The following COL19A1 variants were observed in gnomAD, a reference collection of about 807,000 sequenced individuals.
COL19A1 encodes collagen type XIX alpha 1 chain.
A neutral mutation model predicts 190.2 loss-of-function variants in COL19A1; 159 were observed. The observed-to-expected ratio is 0.84, with a 90% CI of 0.73 to 0.95. The LOEUF (loss-of-function observed/expected upper bound fraction) is 0.95. Ranked by LOEUF, COL19A1 falls within the 40% of genes least tolerant of loss-of-function variation. The pLI is 0.00. For missense variants in COL19A1, 1,418 were observed against 1,431.9 expected (o/e 0.99, Z 0.16); for synonymous variants, 509 against 458.9 (o/e 1.11, Z -1.39).
At chr6:70,030,591 A>G (rs145230777) in intron 12 of COL19A1, among the ~76,000 whole-genome samples, 1 of 152,316 alleles carries the variant, frequency 6.6e-6, no homozygotes, top group East Asian at 1.9e-4. Context: ...GCAGACGTTC[A>G]ATAATATTTG....
rs1765816568 is a variant in COL19A1 at position 70,176,556 on chromosome 6, G to GGGAT, written c.2661_2664dup (p.Ser889AspfsTer19). The GGGAT allele has an allele frequency of 6.2e-7, 1 of 1,613,258 alleles. No homozygotes were observed. The highest frequency in any genetic ancestry group is 8.5e-7 in the Non-Finnish European group (1 of 1,179,678). On this transcript the variant is annotated frameshift_variant, in exon 42 of 51. Coordinates refer to ENST00000620364, the MANE Select transcript of COL19A1 (RefSeq NM_001858.6). LOFTEE classifies it high-confidence loss of function. ...CCCAGCAGGTCCCCCAGGAATAGCA[G>GGGAT]GGATGTCGGTGAGTTCAGATTACTT...
intron 8 of COL19A1, 99 bp downstream of exon 8, chr6:69,937,009 A>G: frequency 1.3e-6 from 2 of 1,492,380 alleles, no homozygotes; most frequent in Non-Finnish European, 1.8e-6. Flanking sequence ...CTTGCCATTC[A>G]GTGTTTGTTG....
At chr6:70,096,433 G>A (rs959993884) in intron 15 of COL19A1, among the ~76,000 whole-genome samples, 2 of 152,014 alleles carry the variant, frequency 1.3e-5, no homozygotes, top group African/African-American at 4.8e-5. Context: ...ACCAACACTT[G>A]TTTTCAGATT....
At chr6:69,953,631 T>C (rs1347258882) in intron 9 of COL19A1, among the ~76,000 whole-genome samples, 1 of 152,020 alleles carries the variant, frequency 6.6e-6, no homozygotes, top group Non-Finnish European at 1.5e-5. Context: ...TATTCCCTTC[T>C]AATGCCTTCC....
intron 11 of COL19A1, among the ~76,000 whole-genome samples, chr6:70,009,855 C>T (rs1357379731): frequency 7.2e-6 from 1 of 138,906 alleles, no homozygotes; most frequent in East Asian, 1.9e-4. Context: ...CTTTTTTCAA[C>T]AACCCTTTTA....
chr6:69,891,615 C>G (rs768859051), intron 2 of COL19A1, among the ~76,000 whole-genome samples: 2 of 152,166 alleles, frequency 1.3e-5, no homozygotes, highest in Non-Finnish European at 2.9e-5. Flanking sequence ...CAAGTCACAG[C>G]GACCTTGGCA....
At chr6:70,065,558 C>T (rs543914129) in intron 14 of COL19A1, among the ~76,000 whole-genome samples, 2 of 152,240 alleles carry the variant, frequency 1.3e-5, no homozygotes, top group South Asian at 4.2e-4. Context: ...GCAAGGACTT[C>T]ATGTCTAAAA....
chr6:69,895,571 C>A (rs1043447416), intron 2 of COL19A1, among the ~76,000 whole-genome samples: 2 of 152,130 alleles, frequency 1.3e-5, no homozygotes, highest in Non-Finnish European at 2.9e-5. Context: ...TAGAGCACTT[C>A]CCGCCAGACT....
chr6:70,192,768 C>A (rs938707856), intron 48 of COL19A1, among the ~76,000 whole-genome samples: 2 of 152,134 alleles, frequency 1.3e-5, no homozygotes, highest in Non-Finnish European at 2.9e-5. Context: ...AAACATGGGG[C>A]CCTATGTGAC....
intron 40 of COL19A1, among the ~76,000 whole-genome samples, chr6:70,170,573 G>A (rs1040068606): frequency 2.0e-5 from 3 of 151,938 alleles, no homozygotes; most frequent in Non-Finnish European, 2.9e-5. Context: ...AACAAATGTT[G>A]ATTGATTGAG....
At chr6:70,003,516 G>A (rs1777405736) in intron 11 of COL19A1, among the ~76,000 whole-genome samples, 1 of 152,094 alleles carries the variant, frequency 6.6e-6, no homozygotes, top group Non-Finnish European at 1.5e-5. Context: ...AGTCTCTTTT[G>A]TATGTCTCTA....
At chr6:69,894,402 T>C (rs1056835442) in intron 2 of COL19A1, among the ~76,000 whole-genome samples, 12 of 152,184 alleles carry the variant, frequency 7.9e-5, no homozygotes, top group African/African-American at 2.7e-4. Context: ...TTTGTAACCT[T>C]AAAACACTTA....
chr6:70,156,377 A>G lies in COL19A1; in HGVS notation c.2238+8A>G. On this transcript the variant is annotated splice_region_variant and intron_variant, in intron 33 of 50. Coordinates refer to ENST00000620364, the MANE Select transcript of COL19A1 (RefSeq NM_001858.6). ...GGAAGAGAGGGACCAAAGGTAAGAA[A>G]TTCTCTCCTCCACTTTCCCCTGTGG... The G allele has an allele frequency of 6.2e-7, 1 of 1,613,074 alleles. No homozygotes were observed.
intron 15 of COL19A1, among the ~76,000 whole-genome samples, chr6:70,096,112 C>T (rs1783252465): frequency 7.0e-6 from 1 of 143,800 alleles, no homozygotes. Flanking sequence ...GAGAGGGTCT[C>T]ACTCTGTCAC....
At chr6:70,038,532 G>T (rs1779473266) in intron 14 of COL19A1, among the ~76,000 whole-genome samples, 1 of 152,176 alleles carries the variant, frequency 6.6e-6, no homozygotes, top group Non-Finnish European at 1.5e-5. Context: ...AGGCATACTA[G>T]TAAAATGAAG....
intron 11 of COL19A1, among the ~76,000 whole-genome samples, chr6:70,001,354 T>C (rs552937779): frequency 5.3e-5 from 8 of 152,316 alleles, no homozygotes; most frequent in African/African-American, 1.9e-4. Context: ...CTATATGGGG[T>C]ATTCTTTGAT....
intron 15 of COL19A1, among the ~76,000 whole-genome samples, chr6:70,093,346 T>C (rs560514558): frequency 3.9e-5 from 6 of 152,248 alleles, no homozygotes; most frequent in African/African-American, 1.4e-4. Context: ...GGAAATTGTT[T>C]AGCCATACCC....
At chr6:70,112,926 T>G (rs1418715978) in intron 16 of COL19A1, among the ~76,000 whole-genome samples, 1 of 152,212 alleles carries the variant, frequency 6.6e-6, no homozygotes, top group Non-Finnish European at 1.5e-5. Context: ...GTGAACACTT[T>G]CCTGGAATAC....
At chr6:70,191,667 A>G (rs1313015516) in intron 48 of COL19A1, among the ~76,000 whole-genome samples, 1 of 152,236 alleles carries the variant, frequency 6.6e-6, no homozygotes, top group African/African-American at 2.4e-5. Context: ...AGGAATTGAC[A>G]GTATCACATG....
Sources: allele counts gnomAD v4.1 joint callset (sites outside exome capture counted in the v4.1 genomes callset), GRCh38; gene constraint gnomAD v4.1.1; transcripts MANE v1.5; gene names NCBI Gene and HGNC (gene_info 2026-07-23, HGNC 2026-07-21).